Variants in SOX5 observed in about 807,000 individuals in gnomAD.
SOX5 encodes the protein SRY-box transcription factor 5, also known as transcription factor SOX-5.
SOX5 carries 9 observed loss-of-function variants against 92.0 expected under a neutral mutation model. The observed-to-expected ratio is 0.10, with a 90% CI of 0.06 to 0.17. The LOEUF (loss-of-function observed/expected upper bound fraction) is 0.17. Ranked by LOEUF, SOX5 falls within the 10% of genes least tolerant of loss-of-function variation. The probability of loss-of-function intolerance (pLI) is 1.00; values close to 1 mark genes in which losing one functional copy is unlikely to be tolerated. For missense variants in SOX5, 642 were observed against 944.5 expected (o/e 0.68, Z 4.20); for synonymous variants, 344 against 336.3 (o/e 1.02, Z -0.25).
At chr12:24,524,340 CATCT>C (rs146131503) in intron 1 of SOX5, among the ~76,000 whole-genome samples, 18,559 of 145,180 alleles carry the variant, frequency 0.13, 1,176 homozygotes, top group Non-Finnish European at 0.15. Flanking sequence ...AATCCCCTCC[CATCT>C]ATCTATCTAT....
At chr12:24,382,043 T>C (rs1233662619) in intron 1 of SOX5, among the ~76,000 whole-genome samples, 2 of 152,304 alleles carry the variant, frequency 1.3e-5, no homozygotes, top group East Asian at 1.9e-4. Flanking sequence ...GCTCTAGAGA[T>C]AGACCAGTAA....
chr12:23,976,504 A>T (rs1433941192), intron 4 of SOX5, among the ~76,000 whole-genome samples: 1 of 151,598 alleles, frequency 6.6e-6, no homozygotes, highest in African/African-American at 2.4e-5. Context: ...AAATCCAGGG[A>T]TTGGCCTAAT....
At chr12:24,210,701 G>A (rs188936247) in intron 4 of SOX5, among the ~76,000 whole-genome samples, 56 of 152,188 alleles carry the variant, frequency 3.7e-4, no homozygotes, top group Non-Finnish European at 6.0e-4. Context: ...GCCAAAAACC[G>A]TAATTCAAAC....
At chr12:23,988,938 G>C (rs985375490) in intron 4 of SOX5, among the ~76,000 whole-genome samples, 9 of 152,146 alleles carry the variant, frequency 5.9e-5, no homozygotes, top group African/African-American at 2.2e-4. Flanking sequence ...TAGAATACAA[G>C]ATGAATAGTG....
chr12:24,406,414 C>A (rs1962965822), intron 1 of SOX5, among the ~76,000 whole-genome samples: 1 of 152,152 alleles, frequency 6.6e-6, no homozygotes, highest in Non-Finnish European at 1.5e-5. Context: ...CCAGAAAACA[C>A]AAAGCCAGCT....
chr12:24,227,919 T>A (rs1023464708), intron 3 of SOX5: 1 of 152,238 alleles, frequency 6.6e-6, no homozygotes, highest in African/African-American at 2.4e-5. Context: ...TCATCCATTT[T>A]CCCCAAAACT....
intron 2 of SOX5, among the ~76,000 whole-genome samples, chr12:24,303,524 T>C (rs747587669): frequency 6.6e-6 from 1 of 152,250 alleles, no homozygotes; most frequent in Admixed American, 6.5e-5. Context: ...TAAGTTTAGA[T>C]TTCCTTTAAA....
intron 3 of SOX5, among the ~76,000 whole-genome samples, chr12:24,261,208 ACT>A (rs1263698327): frequency 5.4e-4 from 82 of 152,194 alleles, no homozygotes; most frequent in Non-Finnish European, 1.0e-4. Context: ...AAATTTTAAA[ACT>A]CTCTTTTCAT....
At chr12:23,845,889 T>C in intron 3 of SOX5, 94 bp downstream of exon 3, 6 of 1,053,840 alleles carry the variant, frequency 5.7e-6, no homozygotes, top group Non-Finnish European at 8.7e-6. Flanking sequence ...AATTTAACTT[T>C]AAGAGTATAA....
At chr12:24,433,447 G>A (rs1242929204) in intron 1 of SOX5, among the ~76,000 whole-genome samples, 4 of 152,182 alleles carry the variant, frequency 2.6e-5, no homozygotes, top group Admixed American at 2.0e-4. Flanking sequence ...CTTGATTAAA[G>A]ATGAACTAAG....
chr12:23,762,430 A>G (rs78925047), intron 3 of SOX5: 3 of 394,872 alleles, frequency 7.6e-6, no homozygotes, highest in Admixed American at 4.5e-5. Flanking sequence ...GTAATATAAC[A>G]CATACCACAA....
chr12:24,286,468 G>T (rs919949632), intron 2 of SOX5, among the ~76,000 whole-genome samples: 1 of 152,170 alleles, frequency 6.6e-6, no homozygotes, highest in Non-Finnish European at 1.5e-5. Flanking sequence ...ATATTTGAAG[G>T]GTTGTCATTT....
At chr12:23,800,205 G>C (rs1777451916) in intron 3 of SOX5, among the ~76,000 whole-genome samples, 1 of 151,978 alleles carries the variant, frequency 6.6e-6, no homozygotes, top group Admixed American at 6.6e-5. Flanking sequence ...ATGTGAAAAC[G>C]ATATAAAATT....
In SOX5 at chr12:23,674,336, A is replaced by ATTTTTTTTTTTTTTTTTTTTTTTTT. The variant is rs34975795; in HGVS notation, c.811-8773_811-8772insAAAAAAAAAAAAAAAAAAAAAAAAA. On this transcript the variant is annotated intron_variant, in intron 6 of 14. Transcript: ENST00000451604. The stretch of plus-strand genomic sequence containing the variant: ...AAATATTTTCTTACCATAAAAAGGA[A>ATTTTTTTTTTTTTTTTTTTTTTTTT]TTTTTTTTTTTTTTTTTTGAGACGG... Among the ~76,000 whole-genome samples the ATTTTTTTTTTTTTTTTTTTTTTTTT allele has an allele frequency of 7.0e-4, 68 of 97,374 alleles. 8 individuals are homozygous for ATTTTTTTTTTTTTTTTTTTTTTTTT. Among genetic ancestry groups the ATTTTTTTTTTTTTTTTTTTTTTTTT allele is most frequent in the African/African-American group, 2.5e-3 (60 of 23,628 alleles). The allele number at this position is 97,374 out of a possible 152,430, so 63.9% of individuals were successfully genotyped here.
rs1252522255 is a variant in SOX5 at position 24,500,526 on chromosome 12, T to C, written c.-251+61803A>G. ...GAGAAAAAAACACACCCCAAAAGAG[T>C]TTTGTCAGAATAAAAAGAAAATAAA... is the stretch of plus-strand genomic sequence containing the variant. On this transcript the variant is annotated intron_variant, in intron 1 of 4. Transcript: ENST00000446891. Among the ~76,000 whole-genome samples the C allele has an allele frequency of 4.0e-5, 6 of 151,786 alleles. 1 individual carries two copies. The South Asian group carries it at 6.2e-4, about 16-fold the overall frequency.
chr12:23,883,159 C>T (rs1472700630), intron 2 of SOX5, among the ~76,000 whole-genome samples: 2 of 149,738 alleles, frequency 1.3e-5, no homozygotes, highest in African/African-American at 4.9e-5. Context: ...CCAGCCTGGG[C>T]GAGAGTGCGA....
In SOX5 at chr12:24,055,340, C is replaced by T. The variant is rs571531659; in HGVS notation, c.-2+158003G>A. Among the ~76,000 whole-genome samples, 9 of 152,276 alleles carry T rather than the reference C, an allele frequency of 5.9e-5. No individual in the cohort carries two copies. The South Asian group carries it at 1.9e-3, about 32-fold the overall frequency. On this transcript the variant is annotated intron_variant, in intron 4 of 4. Transcript: ENST00000446891. ...AATATGGCAGGGGTCCCTCACAGTC[C>T]TTATAACTGATAGAAGTCTGTAATA...
Position 23,590,480 on chromosome 12 carries a change from C to T in SOX5, c.1164+13907G>A, listed in dbSNP as rs2137107946. On this transcript the variant is annotated intron_variant, in intron 9 of 14. Coordinates refer to ENST00000451604, the MANE Select transcript of SOX5 (RefSeq NM_006940.6). ...CCTTGCACAGACTGTTTCCATTTTC[C>T]TTCAAAAACCTTCTAAATGTCACAC... Among the ~76,000 whole-genome samples, 2 of 151,972 alleles carry T rather than the reference C, an allele frequency of 1.3e-5. 1 individual carries two copies. The highest frequency in any genetic ancestry group is 4.1e-4 in the South Asian group (2 of 4,830).
At chr12:24,072,896 A>T (rs1292515474) in intron 4 of SOX5, among the ~76,000 whole-genome samples, 5 of 151,840 alleles carry the variant, frequency 3.3e-5, no homozygotes, top group South Asian at 2.1e-4. Flanking sequence ...AACACATAAA[A>T]TTTTTTTTTA....
Sources: allele counts gnomAD v4.1 joint callset (sites outside exome capture counted in the v4.1 genomes callset), GRCh38; gene constraint gnomAD v4.1.1; transcripts MANE v1.5; gene names NCBI Gene and HGNC (gene_info 2026-07-23, HGNC 2026-07-21).